Variants in LOC400499 observed in about 807,000 individuals in gnomAD.
At chr16:11,377,390 T>C in the LOC400499 span, among the ~76,000 whole-genome samples, 6 of 152,240 alleles carry the variant, frequency 3.9e-5, no homozygotes, top group Non-Finnish European at 5.9e-5. Context: ...GCAGGCATCA[T>C]TGTTTAATTC....
At chr16:11,482,667 G>T in the LOC400499 span, among the ~76,000 whole-genome samples, 1 of 152,126 alleles carries the variant, frequency 6.6e-6, no homozygotes, top group Non-Finnish European at 1.5e-5. Flanking sequence ...GAGGCAGGAG[G>T]ATCGCTTGAG....
At chr16:11,493,791 C>A in the LOC400499 span, 1 of 384,272 alleles carries the variant, frequency 2.6e-6, no homozygotes, top group African/African-American at 2.3e-5. Flanking sequence ...TCAGCACAAG[C>A]TGGAGCTAAA....
the LOC400499 span, among the ~76,000 whole-genome samples, chr16:11,422,759 T>C: frequency 1.3e-5 from 2 of 152,186 alleles, no homozygotes; most frequent in African/African-American, 2.4e-5. Flanking sequence ...GGCATTGTGC[T>C]TCCTGCCTGC....
the LOC400499 span, among the ~76,000 whole-genome samples, chr16:11,386,740 C>T: frequency 1.3e-5 from 2 of 152,214 alleles, no homozygotes; most frequent in Non-Finnish European, 2.9e-5. Context: ...CTTGCCTGGC[C>T]ACACAGCAAG....
chr16:11,512,970 C>A, the LOC400499 span, among the ~76,000 whole-genome samples: 1 of 152,182 alleles, frequency 6.6e-6, no homozygotes, highest in African/African-American at 2.4e-5. Flanking sequence ...AGCCTGCCCT[C>A]CAAGGTAAAC....
At chr16:11,414,683 C>A in the LOC400499 span, 1 of 397,222 alleles carries the variant, frequency 2.5e-6, no homozygotes, top group Non-Finnish European at 4.4e-6. Flanking sequence ...CTTTGAGCCT[C>A]CGTGACATCA....
chr16:11,413,056 T>C, the LOC400499 span: 3 of 396,752 alleles, frequency 7.6e-6, no homozygotes, highest in African/African-American at 2.1e-5. Context: ...AGCACGTCCC[T>C]GTCCCTAAGC....
chr16:11,433,851 T>C, the LOC400499 span, among the ~76,000 whole-genome samples: 1 of 152,236 alleles, frequency 6.6e-6, no homozygotes. Flanking sequence ...TCCCTTGCCC[T>C]ATACCTTGCC....
chr16:11,410,678 T>C, the LOC400499 span, among the ~76,000 whole-genome samples: 2 of 149,508 alleles, frequency 1.3e-5, no homozygotes, highest in Non-Finnish European at 3.0e-5. Flanking sequence ...GATGTAACCA[T>C]TCATGCATGC....
the LOC400499 span, chr16:11,472,008 C>T: frequency 2.5e-6 from 1 of 393,510 alleles, no homozygotes; most frequent in Non-Finnish European, 4.5e-6. Context: ...GCACTGCTGA[C>T]ATTTGGGATC....
At chr16:11,382,609 A>C in the LOC400499 span, among the ~76,000 whole-genome samples, 1 of 150,264 alleles carries the variant, frequency 6.7e-6, no homozygotes, top group Non-Finnish European at 1.5e-5. Context: ...AGCAGAGAGA[A>C]AACAGGGCTG....
chr16:11,484,789 C>T, the LOC400499 span: 3 of 395,330 alleles, frequency 7.6e-6, no homozygotes, highest in Non-Finnish European at 8.9e-6. Flanking sequence ...TCAGAGTTCA[C>T]GGACACCCAA....
At chr16:11,447,476 A>C in the LOC400499 span, among the ~76,000 whole-genome samples, 7 of 152,144 alleles carry the variant, frequency 4.6e-5, no homozygotes, top group Non-Finnish European at 8.8e-5. Context: ...TGGGATAAAA[A>C]CACGAACGAA....
chr16:11,383,890 C>T, the LOC400499 span: 9 of 1,232,004 alleles, frequency 7.3e-6, no homozygotes, highest in South Asian at 8.2e-5. Flanking sequence ...ACTCACCACC[C>T]GGAAGCAGTC....
chr16:11,444,874 G>T, the LOC400499 span, among the ~76,000 whole-genome samples: 1 of 152,000 alleles, frequency 6.6e-6, no homozygotes, highest in South Asian at 2.1e-4. Context: ...TAGAGTCCAG[G>T]AGCTCAAGAC....
the LOC400499 span, among the ~76,000 whole-genome samples, chr16:11,455,397 A>G: frequency 6.6e-6 from 1 of 152,192 alleles, no homozygotes; most frequent in African/African-American, 2.4e-5. Context: ...TATAAACAGA[A>G]AAAATGGCTA....
the LOC400499 span, among the ~76,000 whole-genome samples, chr16:11,397,805 C>A: frequency 3.9e-4 from 53 of 134,718 alleles, no homozygotes; most frequent in African/African-American, 1.5e-3. Context: ...GAGGGATGGA[C>A]GGACGGATGA....
the LOC400499 span, among the ~76,000 whole-genome samples, chr16:11,429,720 C>T: frequency 4.6e-5 from 7 of 152,046 alleles, no homozygotes; most frequent in Non-Finnish European, 5.9e-5. Context: ...GTGATCTGCC[C>T]GCCTCAGCCT....
the LOC400499 span, among the ~76,000 whole-genome samples, chr16:11,505,158 A>AG: frequency 6.6e-6 from 1 of 152,056 alleles, no homozygotes; most frequent in South Asian, 2.1e-4. Flanking sequence ...AAAAAAAAAA[A>AG]AAAAAGTCCT....
Sources: allele counts gnomAD v4.1 joint callset (sites outside exome capture counted in the v4.1 genomes callset), GRCh38; gene constraint gnomAD v4.1.1; transcripts MANE v1.5.